Variants in NALCN observed in about 807,000 individuals in gnomAD.
The protein encoded by NALCN is sodium leak channel, non-selective.
In NALCN, 111 loss-of-function variants were observed where a neutral mutation model predicts 225.3. The ratio of observed to expected loss-of-function variants is 0.49; its 90% confidence interval spans 0.42 to 0.58. The LOEUF (loss-of-function observed/expected upper bound fraction) is 0.58. Among genes scored for constraint, NALCN ranks in the 20% least tolerant of loss-of-function variants. The pLI is 0.00. For synonymous variants in NALCN, 764 were observed against 769.0 expected, an observed-to-expected ratio of 0.99 and a Z score of 0.11; for missense variants, 1,378 against 2,202.4, an observed-to-expected ratio of 0.63 and a Z score of 7.49.
At chr13:101,259,118 T>C (rs1411113321) in intron 10 of NALCN, among the ~76,000 whole-genome samples, 2 of 152,096 alleles carry the variant, frequency 1.3e-5, no homozygotes, top group African/African-American at 2.4e-5. Context: ...GCTCTCTACC[T>C]GGAGTTTTTC....
rs533275511 is a variant in NALCN, at chr13:101,340,005, C to T, written c.799+5261G>A. Among the ~76,000 whole-genome samples the T allele has an allele frequency of 4.0e-4, 59 of 147,558 alleles. No individual in the cohort carries two copies. The South Asian group carries it at 0.012, about 30-fold the overall frequency. On this transcript the variant is annotated intron_variant, in intron 7 of 43. Coordinates refer to ENST00000251127, the MANE Select transcript of NALCN (RefSeq NM_052867.4). ...GTGCCCCGGCGGGTACAGTGGCTCA[C>T]GCCTGTAATCCCAGCACTTTTGGAG... is the stretch of plus-strand genomic sequence containing the variant.
chr13:101,240,365 A>AT (rs1255091808), intron 11 of NALCN, among the ~76,000 whole-genome samples: 8 of 151,318 alleles, frequency 5.3e-5, no homozygotes, highest in African/African-American at 1.5e-4. Context: ...CTATCTATCT[A>AT]TGTATTTTTT....
intron 6 of NALCN, among the ~76,000 whole-genome samples, chr13:101,362,714 A>G (rs1431793028): frequency 6.6e-6 from 1 of 152,120 alleles, no homozygotes. Flanking sequence ...AGATTTATTC[A>G]ACATACTACT....
chr13:101,398,494 C>T (rs79940796), intron 2 of NALCN, among the ~76,000 whole-genome samples: 10,175 of 152,202 alleles, frequency 0.067, 375 homozygotes, highest in East Asian at 0.13. Flanking sequence ...GGCACACAGT[C>T]GTGCCTGGCC....
intron 7 of NALCN, among the ~76,000 whole-genome samples, chr13:101,324,154 T>C (rs2044857678): frequency 6.6e-6 from 1 of 152,224 alleles, no homozygotes; most frequent in Non-Finnish European, 1.5e-5. Context: ...TTCATAATTG[T>C]ATGACATTTG....
intron 19 of NALCN, 139 bp from the exon 20 acceptor site, chr13:101,110,827 C>T: frequency 1.2e-6 from 1 of 840,696 alleles, no homozygotes. Flanking sequence ...ATAGCAGAAG[C>T]TTATACTCTC....
chr13:101,399,694 C>T (rs144282095), intron 1 of NALCN, among the ~76,000 whole-genome samples: 4 of 152,250 alleles, frequency 2.6e-5, no homozygotes, highest in Admixed American at 2.6e-4. Flanking sequence ...GAAGAACCTC[C>T]CCTAAATGGA....
chr13:101,176,283 C>G lies in NALCN; in HGVS notation c.1839+17G>C, dbSNP rs777030176. On this transcript the variant is annotated intron_variant, in intron 15 of 43. Coordinates refer to ENST00000251127, the MANE Select transcript of NALCN (RefSeq NM_052867.4). The stretch of plus-strand genomic sequence containing the variant: ...TTTTTTGTCCTTTTTAAAAAAAATC[C>G]CCCACACACTACTTACTTGTTTAAG... 6.7e-7 allele frequency: 1 copy of G among 1,493,314 alleles called. No individual in the cohort carries two copies. The highest frequency in any genetic ancestry group is 1.5e-5 in the African/African-American group (1 of 68,820). 92.5% of individuals were successfully genotyped at this position (1,493,314 alleles called of 1,614,324 possible).
intron 7 of NALCN, among the ~76,000 whole-genome samples, chr13:101,330,199 A>C (rs1192873861): frequency 6.6e-6 from 1 of 152,124 alleles, no homozygotes; most frequent in African/African-American, 2.4e-5. Flanking sequence ...TAGATAAAAG[A>C]GAGTAAGTTT....
chr13:101,289,212 G>C (rs1486456203), intron 9 of NALCN, among the ~76,000 whole-genome samples: 2 of 152,128 alleles, frequency 1.3e-5, no homozygotes, highest in African/African-American at 4.8e-5. Flanking sequence ...AAATCACAAG[G>C]CTCTCAGAGG....
intron 7 of NALCN, among the ~76,000 whole-genome samples, chr13:101,311,396 T>C (rs1190151013): frequency 4.0e-5 from 6 of 151,356 alleles, no homozygotes; most frequent in Non-Finnish European, 7.4e-5. Context: ...TCCAACATTA[T>C]GTTGAATAGG....
intron 6 of NALCN, among the ~76,000 whole-genome samples, chr13:101,359,239 AAAAAAGTAG>A (rs542723515): frequency 1.2e-3 from 179 of 152,232 alleles, no homozygotes; most frequent in African/African-American, 4.1e-3. Flanking sequence ...CAAAGCAGGA[AAAAAAGTAG>A]AAAATACTTA....
At chr13:101,100,351 C>T (rs1594202594) in intron 27 of NALCN, among the ~76,000 whole-genome samples, 1 of 152,278 alleles carries the variant, frequency 6.6e-6, no homozygotes, top group East Asian at 1.9e-4. Flanking sequence ...GGTGACCACA[C>T]TCAAGTTGTC....
In NALCN at chr13:101,306,567, G is replaced by A. The variant is rs1421741257; in HGVS notation, c.800-14201C>T. The stretch of plus-strand genomic sequence containing the variant: ...GGCTTTGACTTTAGAGCCATTGCTT[G>A]TGTAGCTTCAGTGTTCACATGGCAT... On this transcript the variant is annotated intron_variant, in intron 7 of 43. Transcript: ENST00000251127. Among the ~76,000 whole-genome samples, 3 of 152,292 alleles carry A rather than the reference G, an allele frequency of 2.0e-5. No homozygotes were observed. The East Asian group carries it at 5.8e-4, about 29-fold the overall frequency.
At chr13:101,215,355 C>G (rs1037586304) in intron 13 of NALCN, among the ~76,000 whole-genome samples, 4 of 152,178 alleles carry the variant, frequency 2.6e-5, no homozygotes, top group African/African-American at 9.6e-5. Context: ...AAACATCCAA[C>G]ACCTGGATGC....
chr13:101,401,118 A>G (rs192307568), intron 1 of NALCN, among the ~76,000 whole-genome samples: 49 of 152,348 alleles, frequency 3.2e-4, no homozygotes, highest in Non-Finnish European at 6.0e-4. Context: ...TTCCCAGAAG[A>G]AAACAAGCTA....
chr13:101,060,592 A>T (rs1471592789), intron 41 of NALCN, among the ~76,000 whole-genome samples: 1 of 150,780 alleles, frequency 6.6e-6, no homozygotes, highest in Non-Finnish European at 1.5e-5. Flanking sequence ...TGCCCAGCTT[A>T]TGTCTTATTT....
At chr13:101,188,766 C>A (rs929103714) in intron 14 of NALCN, among the ~76,000 whole-genome samples, 1 of 114,696 alleles carries the variant, frequency 8.7e-6, no homozygotes, top group Admixed American at 8.3e-5. Flanking sequence ...CTCACTGCAA[C>A]CCCCACCTCC....
chr13:101,129,037 G>A (rs1056900557), intron 17 of NALCN, among the ~76,000 whole-genome samples: 3 of 152,220 alleles, frequency 2.0e-5, no homozygotes, highest in African/African-American at 7.2e-5. Flanking sequence ...GAAAGGAACA[G>A]AGTGTGTGTG....
Sources: gnomAD v4.1 joint callset for allele counts (sites outside exome capture counted in the v4.1 genomes callset) on GRCh38, gnomAD v4.1.1 for gene constraint, MANE v1.5 for transcripts, NCBI Gene and HGNC (gene_info 2026-07-23, HGNC 2026-07-21) for gene names.